The following MARCHF1 variants were observed in gnomAD, a reference collection of about 807,000 sequenced individuals.
The protein encoded by MARCHF1 is membrane associated ring-CH-type finger 1, also known as E3 ubiquitin-protein ligase MARCHF1.
Under a neutral mutation model 54.2 loss-of-function variants are expected in MARCHF1, and 40 were observed. That is an observed-to-expected ratio of 0.74 (90% CI 0.57 to 0.96). The LOEUF is 0.96. Among genes scored for constraint, MARCHF1 ranks in the 40% least tolerant of loss-of-function variants. The pLI, the probability that MARCHF1 is intolerant of heterozygous loss-of-function variation, is 0.00. For synonymous variants in MARCHF1, 236 were observed against 236.3 expected (o/e 1.00, Z 0.01); for missense variants, 586 against 656.5 (o/e 0.89, Z 1.17).
chr4:164,037,728 ACCTACAG>A (rs1157406946), intron 2 of MARCHF1, among the ~76,000 whole-genome samples: 1 of 151,900 alleles, frequency 6.6e-6, no homozygotes, highest in African/African-American at 2.4e-5. Flanking sequence ...GACAAACACT[ACCTACAG>A]CCAGATGATC....
chr4:163,574,047 A>C (rs1279198888), intron 8 of MARCHF1, among the ~76,000 whole-genome samples: 1 of 152,036 alleles, frequency 6.6e-6, no homozygotes, highest in African/African-American at 2.4e-5. Context: ...TTTGATTTGC[A>C]TTTCTCTGAT....
At chr4:163,927,221 T>A (rs34218520) in intron 3 of MARCHF1, among the ~76,000 whole-genome samples, 12,012 of 151,796 alleles carry the variant, frequency 0.079, 1,068 homozygotes, top group African/African-American at 0.21. Context: ...TTAGACTATG[T>A]CATTCCTACT....
intron 3 of MARCHF1, among the ~76,000 whole-genome samples, chr4:163,913,568 C>T (rs1197863799): frequency 6.6e-6 from 1 of 152,154 alleles, no homozygotes; most frequent in African/African-American, 2.4e-5. Flanking sequence ...ATTCCCCTCA[C>T]CCTCATCCAT....
At chr4:163,940,607 G>T (rs1398914066) in intron 3 of MARCHF1, among the ~76,000 whole-genome samples, 1 of 152,004 alleles carries the variant, frequency 6.6e-6, no homozygotes, top group Non-Finnish European at 1.5e-5. Flanking sequence ...AGCTCAAAAA[G>T]TACTCTGTTC....
At chr4:163,953,088 T>C (rs182658833) in intron 3 of MARCHF1, among the ~76,000 whole-genome samples, 61 of 152,296 alleles carry the variant, frequency 4.0e-4, no homozygotes, top group African/African-American at 1.4e-3. Flanking sequence ...TCTTTAGCTT[T>C]ACACCCCTAT....
chr4:163,989,288 A>T (rs201227658), intron 2 of MARCHF1, among the ~76,000 whole-genome samples: 1 of 18,982 alleles, frequency 5.3e-5, no homozygotes. Flanking sequence ...TGAGGTGTTG[A>T]GAGAGAGAGA....
rs79302595 is a variant in MARCHF1, at chr4:163,789,725, C to T, written c.111+64296G>A. On this transcript the variant is annotated intron_variant, in intron 4 of 9. Transcript: ENST00000514618. ...GATGTCTTGCTTGAAGTAAACATCA[C>T]TCACCATTGTTTAATATGTGGGAAA... Among the ~76,000 whole-genome samples the T allele has an allele frequency of 0.013, 1,961 of 152,034 alleles. 102 individuals are homozygous for T. In the East Asian group the frequency reaches 0.14, roughly 11 times the overall value.
At chr4:163,692,187 T>C (rs1045705950) in intron 5 of MARCHF1, among the ~76,000 whole-genome samples, 1 of 152,214 alleles carries the variant, frequency 6.6e-6, no homozygotes, top group Non-Finnish European at 1.5e-5. Context: ...TAATTCAACA[T>C]ATATTTGTTG....
chr4:164,290,342 A>G (rs1416254187), intron 1 of MARCHF1, among the ~76,000 whole-genome samples: 1 of 152,018 alleles, frequency 6.6e-6, no homozygotes, highest in Non-Finnish European at 1.5e-5. Flanking sequence ...AATTTCATCA[A>G]TTGAAACAAA....
chr4:163,959,988 G>A lies in MARCHF1; in HGVS notation c.-39+28513C>T, dbSNP rs555210526. 5.9e-5 allele frequency among the ~76,000 whole-genome samples: 9 copies of A among 152,078 alleles called. No homozygotes were observed. In the East Asian group the frequency reaches 1.7e-3, roughly 29 times the overall value. ...GAGGAAAAAAACCCCATTAAAAAGC[G>A]AGCAAAGGACATGAACAGATGCTTT... is the stretch of plus-strand genomic sequence containing the variant. On this transcript the variant is annotated intron_variant, in intron 3 of 9. Coordinates refer to ENST00000514618, the MANE Select transcript of MARCHF1 (RefSeq NM_001394959.1).
At chr4:164,197,099 C>G in intron 1 of MARCHF1, 2 of 1,606,696 alleles carry the variant, frequency 1.2e-6, no homozygotes, top group Non-Finnish European at 1.7e-6. Context: ...TCTTCATCCT[C>G]CTCGTCCCCT....
intron 1 of MARCHF1, among the ~76,000 whole-genome samples, chr4:164,366,597 AT>A (rs1730886165): frequency 6.6e-6 from 1 of 152,062 alleles, no homozygotes; most frequent in African/African-American, 2.4e-5. Flanking sequence ...TGATTGAAAA[AT>A]ATTAAATATA....
chr4:164,106,627 G>A (rs1312664613), intron 2 of MARCHF1, among the ~76,000 whole-genome samples: 1 of 147,232 alleles, frequency 6.8e-6, no homozygotes, highest in Non-Finnish European at 1.5e-5. Flanking sequence ...GGGGTAGGGG[G>A]AGGGGGGAGG....
intron 3 of MARCHF1, among the ~76,000 whole-genome samples, chr4:163,908,394 A>T (rs868721206): frequency 1.9e-4 from 29 of 152,200 alleles, no homozygotes; most frequent in African/African-American, 6.3e-4. Flanking sequence ...TTTTATGCTG[A>T]TTCATATTTT....
intron 4 of MARCHF1, among the ~76,000 whole-genome samples, chr4:163,794,215 C>G (rs1747849649): frequency 6.6e-6 from 1 of 152,098 alleles, no homozygotes; most frequent in Non-Finnish European, 1.5e-5. Flanking sequence ...ATGTGTATTT[C>G]CTTCTCCTGT....
intron 3 of MARCHF1, among the ~76,000 whole-genome samples, chr4:163,967,547 G>T (rs555819449): frequency 6.6e-6 from 1 of 152,176 alleles, no homozygotes; most frequent in East Asian, 1.9e-4. Flanking sequence ...TTATTATCCA[G>T]CCAGTTTCTC....
At chr4:163,882,430 G>A (rs1347197355) in intron 3 of MARCHF1, among the ~76,000 whole-genome samples, 1 of 152,204 alleles carries the variant, frequency 6.6e-6, no homozygotes, top group African/African-American at 2.4e-5. Flanking sequence ...TCAGGCAAAG[G>A]TGTACTACTT....
chr4:164,297,853 A>G (rs1022330147), intron 1 of MARCHF1, among the ~76,000 whole-genome samples: 1 of 152,218 alleles, frequency 6.6e-6, no homozygotes, highest in African/African-American at 2.4e-5. Context: ...TAAGGGGCAG[A>G]AGAAAGTCAA....
intron 3 of MARCHF1, among the ~76,000 whole-genome samples, chr4:163,919,495 TTA>T (rs1434342736): frequency 1.3e-5 from 2 of 151,950 alleles, no homozygotes; most frequent in African/African-American, 4.8e-5. Flanking sequence ...TTGATAGAGT[TTA>T]TGTGTATTTT....
Sources: gnomAD v4.1 joint callset for allele counts (sites outside exome capture counted in the v4.1 genomes callset) on GRCh38, gnomAD v4.1.1 for gene constraint, MANE v1.5 for transcripts, NCBI Gene and HGNC (gene_info 2026-07-23, HGNC 2026-07-21) for gene names.